Variants in STXBP4 observed in about 807,000 individuals in gnomAD.
The protein encoded by STXBP4 is syntaxin-binding protein 4.
STXBP4 carries 55 observed loss-of-function variants against 76.1 expected under a neutral mutation model. The observed-to-expected ratio is 0.72, with a 90% CI of 0.58 to 0.91. The LOEUF is 0.91. STXBP4 is among the 40% of genes least tolerant of loss of function. STXBP4 has a pLI of 0.00. For missense variants in STXBP4, 618 were observed against 636.9 expected (o/e 0.97, Z 0.32); for synonymous variants, 201 against 220.2 (o/e 0.91, Z 0.77).
Position 55,036,804 on chromosome 17 carries a change from A to G in STXBP4, c.855+2545A>G, listed in dbSNP as rs557703550. Among the ~76,000 whole-genome samples the G allele has an allele frequency of 2.9e-4, 44 of 152,184 alleles. 1 individual carries two copies. The highest frequency in any genetic ancestry group is 6.8e-3 in the Middle Eastern group (2 of 294). The stretch of plus-strand genomic sequence containing the variant: ...AATTGCACTTTTATTTCATGGTTAT[A>G]TTTAGAGCTCTACTGTTTTCAAGTG... On this transcript the variant is annotated intron_variant, in intron 10 of 17. Coordinates refer to ENST00000376352, the MANE Select transcript of STXBP4 (RefSeq NM_178509.6).
chr17:55,000,940 G>A, intron 7 of STXBP4, 57 bp downstream of exon 7: 1 of 1,207,326 alleles, frequency 8.3e-7, no homozygotes, highest in Admixed American at 1.8e-5. Flanking sequence ...CTCTCAATGA[G>A]GAGTGTGTAA....
At chr17:55,091,586 G>GA (rs996943622) in intron 16 of STXBP4, among the ~76,000 whole-genome samples, 19 of 151,538 alleles carry the variant, frequency 1.3e-4, no homozygotes, top group South Asian at 4.2e-4. Flanking sequence ...GTCCCCAAGA[G>GA]AAAAAAAACT....
intron 16 of STXBP4, among the ~76,000 whole-genome samples, chr17:55,115,250 T>C (rs2079767967): frequency 6.6e-6 from 1 of 151,844 alleles, no homozygotes; most frequent in South Asian, 2.1e-4. Context: ...AAGACTTCCT[T>C]AGGAAGCACG....
At chr17:54,981,796 A>G (rs1046531808) in intron 1 of STXBP4, among the ~76,000 whole-genome samples, 28 of 152,294 alleles carry the variant, frequency 1.8e-4, no homozygotes, top group African/African-American at 6.5e-4. Flanking sequence ...TAGAGAGATA[A>G]TTTCTGTAAT....
intron 12 of STXBP4, among the ~76,000 whole-genome samples, chr17:55,061,366 TTTCTC>T (rs1235928461): frequency 6.6e-6 from 1 of 152,240 alleles, no homozygotes; most frequent in East Asian, 1.9e-4. Flanking sequence ...ATTGATGTGA[TTTCTC>T]TTATTTTTCT....
rs916146294 is a variant in STXBP4, at chr17:55,169,557, C to G, written c.*9646C>G. On this transcript the variant is annotated 3_prime_UTR_variant, in exon 18 of 18. Transcript: ENST00000376352. ...GAAAGTGCTAGCAGTGCCTATTATA[C>G]ATCCAAATACTAAAGACGCTTAGAT... 6.6e-6 allele frequency: 1 copy of G among 152,166 alleles called. No homozygotes were observed. Among genetic ancestry groups the G allele is most frequent in the Middle Eastern group, 3.2e-3 (1 of 316 alleles). The allele number at this position is 152,166 out of a possible 1,614,324, so 9.4% of individuals were successfully genotyped here.
chr17:55,088,630 C>T (rs1171084716), intron 16 of STXBP4, among the ~76,000 whole-genome samples: 1 of 152,118 alleles, frequency 6.6e-6, no homozygotes, highest in Non-Finnish European at 1.5e-5. Context: ...CTCCTGACCT[C>T]AGGTAATCCA....
intron 1 of STXBP4, among the ~76,000 whole-genome samples, chr17:54,976,079 A>G (rs184784110): frequency 1.7e-3 from 262 of 152,318 alleles, no homozygotes; most frequent in African/African-American, 5.8e-3. Context: ...TCACCATAAT[A>G]TCACATGCCC....
chr17:55,080,998 T>G, intron 15 of STXBP4, 52 bp from the exon 16 acceptor site: 2 of 1,338,422 alleles, frequency 1.5e-6, no homozygotes, highest in Non-Finnish European at 1.9e-6. Context: ...TTAGTAAAGA[T>G]AGATGTTGTT....
At chr17:55,205,927 T>C in the STXBP4 span, among the ~76,000 whole-genome samples, 3 of 152,088 alleles carry the variant, frequency 2.0e-5, no homozygotes, top group Non-Finnish European at 4.4e-5. Context: ...GCATTATTTC[T>C]AGCAGTATAA....
chr17:54,995,489 A>G (rs570280395), intron 4 of STXBP4, among the ~76,000 whole-genome samples: 9 of 151,734 alleles, frequency 5.9e-5, no homozygotes, highest in Admixed American at 5.9e-4. Flanking sequence ...GCACACACAC[A>G]TATATATAAC....
chr17:55,121,264 T>C (rs1420365282), intron 16 of STXBP4, among the ~76,000 whole-genome samples: 3 of 152,182 alleles, frequency 2.0e-5, no homozygotes, highest in East Asian at 3.8e-4. Flanking sequence ...AAAAAATATT[T>C]TAAAATCAAG....
chr17:55,049,480 A>G (rs2078832347), intron 12 of STXBP4, among the ~76,000 whole-genome samples: 1 of 152,018 alleles, frequency 6.6e-6, no homozygotes, highest in African/African-American at 2.4e-5. Context: ...ATTTTGTTAT[A>G]TAAGCAAAGC....
chr17:55,017,113 T>A (rs1372754765), intron 8 of STXBP4, among the ~76,000 whole-genome samples: 1 of 152,174 alleles, frequency 6.6e-6, no homozygotes, highest in East Asian at 1.9e-4. Flanking sequence ...AATTATCAAT[T>A]ATAGGTTTTA....
intron 12 of STXBP4, among the ~76,000 whole-genome samples, chr17:55,049,173 A>G (rs750181325): frequency 3.3e-4 from 50 of 152,048 alleles, no homozygotes; most frequent in Non-Finnish European, 5.7e-4. Flanking sequence ...TTAAAATATC[A>G]AGGCCATAGA....
At chr17:55,017,345 C>T (rs1209640011) in intron 8 of STXBP4, among the ~76,000 whole-genome samples, 1 of 152,086 alleles carries the variant, frequency 6.6e-6, no homozygotes, top group Non-Finnish European at 1.5e-5. Flanking sequence ...TACATAACTG[C>T]CCATGTCGAG....
the STXBP4 span, among the ~76,000 whole-genome samples, chr17:55,190,660 A>C: frequency 6.6e-6 from 1 of 152,174 alleles, no homozygotes. Context: ...TCTGCTCCCG[A>C]GGGAGATAAT....
the STXBP4 span, among the ~76,000 whole-genome samples, chr17:55,198,768 G>C: frequency 1.3e-5 from 2 of 152,182 alleles, no homozygotes; most frequent in Admixed American, 1.3e-4. Context: ...CACTTCCAAA[G>C]ACATTTACTC....
At chr17:55,211,143 A>G in the STXBP4 span, among the ~76,000 whole-genome samples, 1 of 152,104 alleles carries the variant, frequency 6.6e-6, no homozygotes, top group Admixed American at 6.6e-5. Flanking sequence ...GAGGGGAGGT[A>G]GGCTGAGATC....
Sources: allele counts gnomAD v4.1 joint callset (sites outside exome capture counted in the v4.1 genomes callset), GRCh38; gene constraint gnomAD v4.1.1; transcripts MANE v1.5; gene names NCBI Gene and HGNC (gene_info 2026-07-23, HGNC 2026-07-21).